LSAMP: variants seen among roughly 807,000 people sequenced by gnomAD.
LSAMP encodes the protein limbic system-associated membrane protein.
Under a neutral mutation model 38.6 loss-of-function variants are expected in LSAMP, and 7 were observed. That is an observed-to-expected ratio of 0.18 (90% CI 0.10 to 0.34). The LOEUF (loss-of-function observed/expected upper bound fraction) is 0.34. LSAMP is among the 10% of genes least tolerant of loss of function. LSAMP has a pLI of 1.00. For missense variants in LSAMP, 313 were observed against 420.0 expected (o/e 0.75, Z 2.23); for synonymous variants, 154 against 166.8 (o/e 0.92, Z 0.59).
At chr3:116,054,568 C>T (rs1393842474) in intron 2 of LSAMP, among the ~76,000 whole-genome samples, 1 of 152,032 alleles carries the variant, frequency 6.6e-6, no homozygotes, top group Non-Finnish European at 1.5e-5. Context: ...ATCAAAGTAG[C>T]CCGAGAGAAA....
rs141727433 is a variant in LSAMP, at chr3:116,173,019, C to T, written c.156-86463G>A. Among the ~76,000 whole-genome samples, 80 of 152,024 alleles carry T rather than the reference C, an allele frequency of 5.3e-4. 2 individuals are homozygous for T. In the East Asian group the frequency reaches 0.012, roughly 23 times the overall value. On this transcript the variant is annotated intron_variant, in intron 1 of 6. Coordinates refer to ENST00000490035, the MANE Select transcript of LSAMP (RefSeq NM_002338.5). ...TGAGTAAATTGTAAATAGTGCTATC[C>T]ACTAAATTCTCAAAAATCTTAAGAT... is the stretch of plus-strand genomic sequence containing the variant.
chr3:115,813,545 C>T (rs1933910141), intron 6 of LSAMP, among the ~76,000 whole-genome samples: 1 of 152,000 alleles, frequency 6.6e-6, no homozygotes, highest in Non-Finnish European at 1.5e-5. Flanking sequence ...TTAAAGATAT[C>T]TTCATCTCTA....
intron 1 of LSAMP, among the ~76,000 whole-genome samples, chr3:116,343,187 T>C (rs946557052): frequency 6.6e-6 from 1 of 152,134 alleles, no homozygotes; most frequent in Non-Finnish European, 1.5e-5. Flanking sequence ...CACCTACTTG[T>C]GATGGATTTG....
chr3:115,880,829 C>T (rs1000556878), intron 3 of LSAMP, among the ~76,000 whole-genome samples: 6 of 151,780 alleles, frequency 4.0e-5, no homozygotes, highest in Non-Finnish European at 7.4e-5. Flanking sequence ...GTCAGGAGTT[C>T]GAGACCAGCC....
At chr3:115,926,437 C>T (rs1244417109) in intron 3 of LSAMP, among the ~76,000 whole-genome samples, 5 of 152,196 alleles carry the variant, frequency 3.3e-5, no homozygotes, top group Non-Finnish European at 5.9e-5. Flanking sequence ...TTTTCTAGCA[C>T]TGAGAGCTCA....
At chr3:116,339,468 T>TG (rs1220110828) in intron 1 of LSAMP, among the ~76,000 whole-genome samples, 8 of 141,550 alleles carry the variant, frequency 5.7e-5, no homozygotes, top group Admixed American at 2.9e-4. Context: ...ACTAATGAAG[T>TG]TTTTTTTTTT....
intron 4 of LSAMP, among the ~76,000 whole-genome samples, chr3:115,848,637 C>T (rs1337298462): frequency 6.6e-6 from 1 of 152,164 alleles, no homozygotes; most frequent in African/African-American, 2.4e-5. Flanking sequence ...ATGTCAGCTC[C>T]CCAAGTGCCC....
intron 1 of LSAMP, among the ~76,000 whole-genome samples, chr3:116,409,682 T>A (rs1398060572): frequency 6.6e-6 from 1 of 152,030 alleles, no homozygotes; most frequent in African/African-American, 2.4e-5. Context: ...CACAACCGAA[T>A]ATGAGGTAAG....
At chr3:116,213,939 A>T (rs2046190915) in intron 1 of LSAMP, among the ~76,000 whole-genome samples, 1 of 152,170 alleles carries the variant, frequency 6.6e-6, no homozygotes, top group Non-Finnish European at 1.5e-5. Context: ...AATGGGCATA[A>T]AGTTTCAGTT....
At chr3:116,412,127 C>T (rs1444046016) in intron 1 of LSAMP, among the ~76,000 whole-genome samples, 4 of 152,014 alleles carry the variant, frequency 2.6e-5, no homozygotes, top group Non-Finnish European at 5.9e-5. Context: ...CCATTATTAC[C>T]ACTAATTCTG....
At chr3:116,208,501 T>G (rs569154520) in intron 1 of LSAMP, among the ~76,000 whole-genome samples, 43 of 152,348 alleles carry the variant, frequency 2.8e-4, no homozygotes, top group African/African-American at 9.9e-4. Flanking sequence ...TTCCCGTTTT[T>G]CTGTTCTGTT....
intron 3 of LSAMP, among the ~76,000 whole-genome samples, chr3:115,925,557 T>G (rs1937479735): frequency 6.6e-6 from 1 of 152,170 alleles, no homozygotes; most frequent in Non-Finnish European, 1.5e-5. Context: ...AATACTATAT[T>G]TGATATTGCA....
intron 1 of LSAMP, among the ~76,000 whole-genome samples, chr3:116,240,287 A>G (rs1214572579): frequency 6.6e-6 from 1 of 152,232 alleles, no homozygotes; most frequent in Non-Finnish European, 1.5e-5. Flanking sequence ...CTTTTGTAAG[A>G]TGGCAGACTT....
At chr3:116,277,374 G>GTT (rs34545044) in intron 1 of LSAMP, among the ~76,000 whole-genome samples, 14,052 of 144,964 alleles carry the variant, frequency 0.097, 789 homozygotes, top group Middle Eastern at 0.18. Context: ...CTCATCTTGT[G>GTT]TTTTTTTTTT....
chr3:116,308,136 C>T (rs1414850436), intron 1 of LSAMP, among the ~76,000 whole-genome samples: 1 of 152,066 alleles, frequency 6.6e-6, no homozygotes, highest in African/African-American at 2.4e-5. Context: ...CCCCTACCAT[C>T]TTTTAAAATT....
At chr3:115,862,101 G>A (rs1267833316) in intron 3 of LSAMP, among the ~76,000 whole-genome samples, 1 of 152,160 alleles carries the variant, frequency 6.6e-6, no homozygotes, top group Non-Finnish European at 1.5e-5. Context: ...GGGGCAGGGG[G>A]TTGTTTGGCA....
chr3:116,254,162 C>T (rs1006511898), intron 1 of LSAMP, among the ~76,000 whole-genome samples: 3 of 151,950 alleles, frequency 2.0e-5, no homozygotes, highest in Admixed American at 6.6e-5. Context: ...TTGTACCATC[C>T]AACACAGAGA....
intron 1 of LSAMP, among the ~76,000 whole-genome samples, chr3:116,230,854 T>C (rs994867081): frequency 2.6e-5 from 4 of 151,508 alleles, no homozygotes; most frequent in Non-Finnish European, 5.9e-5. Flanking sequence ...ATGAGATGAA[T>C]TGCCTTCAGT....
intron 1 of LSAMP, among the ~76,000 whole-genome samples, chr3:116,440,500 G>GT (rs2049418314): frequency 6.6e-6 from 1 of 152,100 alleles, no homozygotes; most frequent in African/African-American, 2.4e-5. Context: ...CCTGTGTATT[G>GT]TATGTGTGTA....
Sources: allele counts gnomAD v4.1 joint callset (sites outside exome capture counted in the v4.1 genomes callset), GRCh38; gene constraint gnomAD v4.1.1; transcripts MANE v1.5; gene names NCBI Gene and HGNC (gene_info 2026-07-23, HGNC 2026-07-21).